Variants in NDC1 observed in about 807,000 individuals in gnomAD.
The protein encoded by NDC1 is NDC1 transmembrane nucleoporin.
Under a neutral mutation model 89.8 loss-of-function variants are expected in NDC1, and 24 were observed. The ratio of observed to expected loss-of-function variants is 0.27; its 90% CI spans 0.19 to 0.38. The LOEUF is 0.38. NDC1 is among the 10% of genes least tolerant of loss of function. The pLI, the probability that NDC1 is intolerant of heterozygous loss-of-function variation, is 1.00. For synonymous variants in NDC1, 296 were observed against 284.8 expected (o/e 1.04, Z -0.39); for missense variants, 728 against 797.6 (o/e 0.91, Z 1.05).
Position 53,784,380 on chromosome 1 carries a change from G to A in NDC1, c.1800+2778C>T, listed in dbSNP as rs571774298. Among the ~76,000 whole-genome samples, 52 of 152,316 alleles carry A rather than the reference G, an allele frequency of 3.4e-4. 1 individual carries two copies. The highest frequency in any genetic ancestry group is 3.9e-4 in the Admixed American group (6 of 15,306). The stretch of plus-strand genomic sequence containing the variant: ...ATAAGGGATGTGGATCAAGCCAGGC[G>A]CAGTGGCTCACGCCTGCAGCAATCC... On this transcript the variant is annotated intron_variant, in intron 16 of 17. Transcript: ENST00000371429.
intron 14 of NDC1, among the ~76,000 whole-genome samples, chr1:53,789,959 T>C (rs996069750): frequency 6.0e-5 from 9 of 149,912 alleles, no homozygotes; most frequent in African/African-American, 2.2e-4. Context: ...AAAAATTAGC[T>C]AGGTGTGGTG....
chr1:53,817,669 C>A (rs1648526311), intron 6 of NDC1, among the ~76,000 whole-genome samples: 1 of 151,992 alleles, frequency 6.6e-6, no homozygotes, highest in Middle Eastern at 3.2e-3. Flanking sequence ...AAAAACATGA[C>A]AGTGAAGTAT....
chr1:53,782,092 G>C (rs1647214695), intron 16 of NDC1, among the ~76,000 whole-genome samples: 2 of 152,176 alleles, frequency 1.3e-5, no homozygotes, highest in South Asian at 4.1e-4. Flanking sequence ...AGTAGAGTCA[G>C]ACCAAAGGAG....
In NDC1 at chr1:53,825,971, T is replaced by C. The variant is rs769554551; in HGVS notation, c.456-35A>G. The C allele has an allele frequency of 3.7e-6, 6 of 1,604,788 alleles. No homozygotes were observed. In the East Asian group the frequency reaches 1.3e-4, roughly 36 times the overall value. On this transcript the variant is annotated intron_variant, in intron 4 of 17. Transcript: ENST00000371429. ...AAAAATTAAGTTATTAATTCAACAG[T>C]CAGGGACATGTATCACTGTTTTAGG...
At chr1:53,779,742 A>G (rs964921695) in intron 16 of NDC1, among the ~76,000 whole-genome samples, 7 of 152,236 alleles carry the variant, frequency 4.6e-5, no homozygotes, top group African/African-American at 1.7e-4. Context: ...ATGCAAAATA[A>G]GCCTTCTTTT....
intron 6 of NDC1, among the ~76,000 whole-genome samples, chr1:53,810,195 G>A (rs1648257285): frequency 6.6e-6 from 1 of 152,186 alleles, no homozygotes; most frequent in South Asian, 2.1e-4. Context: ...AGCAAAGCAT[G>A]TAGTTGTGTT....
intron 16 of NDC1, among the ~76,000 whole-genome samples, chr1:53,775,729 C>T (rs1647157357): frequency 6.6e-6 from 1 of 152,126 alleles, no homozygotes; most frequent in African/African-American, 2.4e-5. Context: ...ACAAATACAA[C>T]AGCAAATGAA....
At chr1:53,798,316 T>C (rs1181181) in intron 11 of NDC1, among the ~76,000 whole-genome samples, 38,068 of 150,220 alleles carry the variant, frequency 0.25, 5,816 homozygotes, top group African/African-American at 0.43. Context: ...ATAACAGGCA[T>C]GCACAACCAC....
chr1:53,830,384 G>A (rs1649016393), intron 3 of NDC1, among the ~76,000 whole-genome samples: 1 of 152,008 alleles, frequency 6.6e-6, no homozygotes, highest in South Asian at 2.1e-4. Flanking sequence ...CACCTGGGAG[G>A]TGGAGGTTGC....
At chr1:53,790,304 G>A (rs1647448699) in intron 14 of NDC1, among the ~76,000 whole-genome samples, 1 of 151,390 alleles carries the variant, frequency 6.6e-6, no homozygotes, top group Admixed American at 6.6e-5. Context: ...GGCAGAGGTT[G>A]TAATGAGCTG....
chr1:53,784,735 G>A (rs571692748), intron 16 of NDC1, among the ~76,000 whole-genome samples: 5 of 152,176 alleles, frequency 3.3e-5, no homozygotes, highest in African/African-American at 1.2e-4. Flanking sequence ...AGCTTGCAGT[G>A]AGCTGAGATC....
Position 53,807,685 on chromosome 1 carries a change from A to C in NDC1, c.862T>G (p.Trp288Gly). 3.7e-6 allele frequency: 6 copies of C among 1,613,514 alleles called. No individual in the cohort carries two copies. Among genetic ancestry groups the C allele is most frequent in the Non-Finnish European group, 5.1e-6 (6 of 1,179,756 alleles). Residue 288 changes from tryptophan (W) to glycine (G), a missense_variant, in exon 8 of 18, where the codon TGG becomes GGG. Physicochemically the swap from Trp to Gly is radical, Grantham distance 184. Coordinates refer to ENST00000371429, the MANE Select transcript of NDC1 (RefSeq NM_018087.5). ...GTGGCATAGATTTTGAAGAGTATCC[A>C]TGAGACATACCAAGTCGTCAGGAGA... ...VFLLTTWYVS[W>G]ILFKIYATEA...
intron 13 of NDC1, among the ~76,000 whole-genome samples, chr1:53,793,536 A>G (rs1647592173): frequency 6.6e-6 from 1 of 152,200 alleles, no homozygotes; most frequent in South Asian, 2.1e-4. Context: ...GAGCCCTGAC[A>G]TAAAAAAAAA....
At chr1:53,789,845 C>T (rs926686059) in intron 14 of NDC1, among the ~76,000 whole-genome samples, 5 of 150,490 alleles carry the variant, frequency 3.3e-5, no homozygotes, top group Non-Finnish European at 7.4e-5. Context: ...GGCTCATGCC[C>T]GTAATCCTAG....
At chr1:53,790,480 GC>G (rs1478690411) in intron 14 of NDC1, among the ~76,000 whole-genome samples, 5 of 152,040 alleles carry the variant, frequency 3.3e-5, no homozygotes, top group Non-Finnish European at 7.4e-5. Context: ...GCTGAGGAGG[GC>G]CAATAACCTG....
chr1:53,810,280 G>C (rs1648259700), intron 6 of NDC1, among the ~76,000 whole-genome samples: 1 of 152,158 alleles, frequency 6.6e-6, no homozygotes, highest in Admixed American at 6.5e-5. Flanking sequence ...AGTAGTGCTT[G>C]CTTCAGCAGC....
chr1:53,818,789 C>T (rs1648563685), intron 6 of NDC1, among the ~76,000 whole-genome samples, 182 bp downstream of exon 6: 2 of 152,176 alleles, frequency 1.3e-5, no homozygotes. Context: ...AGGCATATGT[C>T]ACATTTTCTT....
chr1:53,795,697 T>G (rs1415987933), intron 13 of NDC1, among the ~76,000 whole-genome samples: 1 of 152,036 alleles, frequency 6.6e-6, no homozygotes, highest in Non-Finnish European at 1.5e-5. Context: ...CCACTACCAC[T>G]CTGGTCCCAG....
At chr1:53,789,091 T>C (rs753537046) in intron 15 of NDC1, 42 bp downstream of exon 15, 10 of 1,261,290 alleles carry the variant, frequency 7.9e-6, no homozygotes, top group African/African-American at 3.0e-5. Context: ...AATATTTAAC[T>C]GACAATTAAA....
Sources: gnomAD v4.1 joint callset for allele counts (sites outside exome capture counted in the v4.1 genomes callset) on GRCh38, gnomAD v4.1.1 for gene constraint, MANE v1.5 for transcripts, NCBI Gene and HGNC (gene_info 2026-07-23, HGNC 2026-07-21) for gene names.